CABIN1: variants seen among roughly 807,000 people sequenced by gnomAD.
CABIN1 encodes the protein calcineurin binding protein 1.
A neutral mutation model predicts 227.7 loss-of-function variants in CABIN1; 133 were observed. That is an observed-to-expected ratio of 0.58 (90% CI 0.51 to 0.67). CABIN1 has a LOEUF of 0.67. Ranked by LOEUF, CABIN1 falls within the 30% of genes least tolerant of loss-of-function variation. The probability of loss-of-function intolerance (pLI) is 0.00; values close to 1 mark genes in which losing one functional copy is unlikely to be tolerated. For synonymous variants in CABIN1, 1,086 were observed against 1,155.1 expected (o/e 0.94, Z 1.21); for missense variants, 2,408 against 2,852.5 (o/e 0.84, Z 3.55).
At chr22:24,118,139 A>G (rs1009070333) in intron 27 of CABIN1, among the ~76,000 whole-genome samples, 8 of 152,172 alleles carry the variant, frequency 5.3e-5, no homozygotes, top group African/African-American at 1.4e-4. Flanking sequence ...TTCTTTGCCA[A>G]CACCACTGGG....
chr22:24,133,090 C>G (rs908567233), intron 28 of CABIN1, among the ~76,000 whole-genome samples: 2 of 152,190 alleles, frequency 1.3e-5, no homozygotes, highest in Non-Finnish European at 2.9e-5. Context: ...TCTCCTTCCC[C>G]TCAGGGTGGG....
chr22:24,146,044 G>T (rs9612558), intron 29 of CABIN1, among the ~76,000 whole-genome samples: 23 of 152,278 alleles, frequency 1.5e-4, no homozygotes, highest in Non-Finnish European at 2.5e-4. Context: ...CTATCACTAA[G>T]ATTAACTGAG....
chr22:24,157,881 TC>T (rs1378745171), intron 29 of CABIN1, among the ~76,000 whole-genome samples: 1 of 152,108 alleles, frequency 6.6e-6, no homozygotes, highest in Non-Finnish European at 1.5e-5. Context: ...TAATCTCCTC[TC>T]CCAGCAGCCC....
chr22:24,021,454 G>T (rs927707857), intron 1 of CABIN1, among the ~76,000 whole-genome samples: 1 of 152,004 alleles, frequency 6.6e-6, no homozygotes. Flanking sequence ...CACAGTGCCC[G>T]ATCAATTTGT....
intron 29 of CABIN1, among the ~76,000 whole-genome samples, chr22:24,137,978 G>A (rs1374452000): frequency 6.6e-6 from 1 of 152,124 alleles, no homozygotes; most frequent in African/African-American, 2.4e-5. Flanking sequence ...GTGGGTGCTG[G>A]CCCTTGAGAG....
At chr22:24,032,497 T>TA (rs2036566754) in intron 1 of CABIN1, among the ~76,000 whole-genome samples, 1 of 152,230 alleles carries the variant, frequency 6.6e-6, no homozygotes, top group African/African-American at 2.4e-5. Flanking sequence ...TTTGTGTATA[T>TA]AGCCAGATGT....
intron 15 of CABIN1, among the ~76,000 whole-genome samples, chr22:24,066,659 G>C (rs1050963379): frequency 5.3e-5 from 8 of 152,180 alleles, no homozygotes; most frequent in Non-Finnish European, 8.8e-5. Flanking sequence ...AGTTCTGCAA[G>C]ACTGGTTCGC....
At chr22:24,102,671 C>T (rs2042274293) in intron 26 of CABIN1, among the ~76,000 whole-genome samples, 1 of 152,036 alleles carries the variant, frequency 6.6e-6, no homozygotes, top group Non-Finnish European at 1.5e-5. Flanking sequence ...AGCCAAGATC[C>T]GAGGGGTGTG....
intron 1 of CABIN1, among the ~76,000 whole-genome samples, chr22:24,022,060 A>T (rs2035763045): frequency 6.6e-6 from 1 of 152,140 alleles, no homozygotes. Context: ...CTTGAATTCT[A>T]CTTTGATGTC....
chr22:24,127,036 A>C (rs960234474), intron 28 of CABIN1, among the ~76,000 whole-genome samples: 2 of 151,752 alleles, frequency 1.3e-5, no homozygotes, highest in Non-Finnish European at 2.9e-5. Context: ...AAAACAAAAA[A>C]CTGTCGCAAG....
intron 8 of CABIN1, among the ~76,000 whole-genome samples, chr22:24,052,000 G>A (rs1016933727): frequency 6.6e-6 from 1 of 152,066 alleles, no homozygotes; most frequent in African/African-American, 2.4e-5. Context: ...CCTGTCTGGT[G>A]CCCTTTCTTG....
intron 1 of CABIN1, chr22:24,011,735 G>GT (rs1447369242): frequency 1.3e-5 from 2 of 152,322 alleles, no homozygotes; most frequent in African/African-American, 4.8e-5. Context: ...CGAGGTGAGT[G>GT]TTGTTATTGG....
At chr22:24,108,797 T>C (rs1372062311) in intron 26 of CABIN1, among the ~76,000 whole-genome samples, 1 of 152,212 alleles carries the variant, frequency 6.6e-6, no homozygotes, top group African/African-American at 2.4e-5. Context: ...ACAGGCCTGT[T>C]GTGTCAATGT....
intron 29 of CABIN1, among the ~76,000 whole-genome samples, chr22:24,163,098 T>A (rs1400406740): frequency 6.6e-6 from 1 of 152,310 alleles, no homozygotes; most frequent in African/African-American, 2.4e-5. Context: ...CTGCCCTGGA[T>A]GTGGATAGCC....
intron 34 of CABIN1, 126 bp downstream of exon 34, chr22:24,172,121 G>A (rs1021254788): frequency 8.2e-7 from 1 of 1,225,986 alleles, no homozygotes; most frequent in African/African-American, 1.5e-5. Context: ...ATCCCACAGG[G>A]TGGCGGGGCA....
intron 26 of CABIN1, among the ~76,000 whole-genome samples, chr22:24,112,619 T>C (rs1417017742): frequency 6.6e-6 from 1 of 152,124 alleles, no homozygotes; most frequent in East Asian, 1.9e-4. Flanking sequence ...GTTGTCTTGG[T>C]CCCAGCCTCA....
chr22:24,076,137 A>T (rs1484120410), intron 18 of CABIN1, 32 bp from the exon 19 acceptor site: 3 of 1,569,116 alleles, frequency 1.9e-6, no homozygotes, highest in Non-Finnish European at 8.8e-7. Flanking sequence ...TCCCACACTA[A>T]CTCTGTGTCT....
intron 18 of CABIN1, among the ~76,000 whole-genome samples, chr22:24,074,215 A>G (rs2040283202): frequency 6.6e-6 from 1 of 152,232 alleles, no homozygotes; most frequent in Non-Finnish European, 1.5e-5. Flanking sequence ...TTTCCTCAAA[A>G]TTAATTATGC....
chr22:24,148,218 T>C (rs2045269748), intron 29 of CABIN1, among the ~76,000 whole-genome samples: 1 of 152,226 alleles, frequency 6.6e-6, no homozygotes, highest in Admixed American at 6.5e-5. Context: ...GCCCAGGTGG[T>C]ACCTCCCATG....
Sources: gnomAD v4.1 joint callset for allele counts (sites outside exome capture counted in the v4.1 genomes callset) on GRCh38, gnomAD v4.1.1 for gene constraint, MANE v1.5 for transcripts, NCBI Gene and HGNC (gene_info 2026-07-23, HGNC 2026-07-21) for gene names.